Variants in CTIF observed in about 807,000 individuals in gnomAD.
CTIF encodes cap binding complex dependent translation initiation factor, also known as CBP80/20-dependent translation initiation factor.
Under a neutral mutation model 66.0 loss-of-function variants are expected in CTIF, and 21 were observed. That is an observed-to-expected ratio of 0.32 (90% CI 0.23 to 0.46). The LOEUF is 0.46. CTIF is among the 20% of genes least tolerant of loss of function. CTIF has a pLI of 1.00. For missense variants in CTIF, 739 were observed against 812.7 expected, an observed-to-expected ratio of 0.91 and a Z score of 1.10; for synonymous variants, 345 against 326.4, an observed-to-expected ratio of 1.06 and a Z score of -0.62.
chr18:48,678,826 C>T (rs989364055), intron 6 of CTIF, among the ~76,000 whole-genome samples: 2 of 152,106 alleles, frequency 1.3e-5, no homozygotes, highest in Admixed American at 6.5e-5. Context: ...TCTGCCCACC[C>T]TATAGGAACA....
intron 1 of CTIF, among the ~76,000 whole-genome samples, chr18:48,551,968 T>C (rs2088894105): frequency 6.6e-6 from 1 of 151,770 alleles, no homozygotes; most frequent in Non-Finnish European, 1.5e-5. Context: ...CAGCTAATTA[T>C]TTTTTTTGTA....
At chr18:48,580,342 T>C (rs528333282) in intron 1 of CTIF, among the ~76,000 whole-genome samples, 3 of 152,300 alleles carry the variant, frequency 2.0e-5, no homozygotes, top group African/African-American at 7.2e-5. Context: ...AGAGGGATAG[T>C]GTAGCCTCAG....
At chr18:48,804,513 C>G (rs1055147143) in intron 9 of CTIF, among the ~76,000 whole-genome samples, 1 of 152,192 alleles carries the variant, frequency 6.6e-6, no homozygotes, top group African/African-American at 2.4e-5. Flanking sequence ...GCTGCATGTG[C>G]AGACTGCCAG....
At chr18:48,781,848 T>C (rs1911263016) in intron 9 of CTIF, among the ~76,000 whole-genome samples, 1 of 152,196 alleles carries the variant, frequency 6.6e-6, no homozygotes, top group Admixed American at 6.5e-5. Context: ...TTTCTGGCTG[T>C]CTCTGTCTCA....
intron 9 of CTIF, among the ~76,000 whole-genome samples, chr18:48,764,713 C>T (rs1031758856): frequency 1.3e-5 from 2 of 152,160 alleles, no homozygotes; most frequent in Non-Finnish European, 2.9e-5. Context: ...GGAGTATCTG[C>T]GGGTCAGGTC....
chr18:48,575,061 AG>A (rs1275110979), intron 1 of CTIF, among the ~76,000 whole-genome samples: 13 of 152,216 alleles, frequency 8.5e-5, no homozygotes, highest in African/African-American at 2.9e-4. Context: ...TTCCAGACAC[AG>A]GGAGCCCCGC....
chr18:48,621,182 T>C (rs1198961855), intron 2 of CTIF, among the ~76,000 whole-genome samples: 2 of 151,842 alleles, frequency 1.3e-5, no homozygotes, highest in East Asian at 3.9e-4. Flanking sequence ...TCGTGGATGA[T>C]CATTGCGATG....
chr18:48,793,802 G>A (rs184136071), intron 9 of CTIF, among the ~76,000 whole-genome samples: 75 of 152,242 alleles, frequency 4.9e-4, no homozygotes, highest in African/African-American at 1.6e-3. Context: ...AGTTTTATCC[G>A]ACTTGAGTGC....
chr18:48,764,020 C>T (rs975086979), intron 9 of CTIF, among the ~76,000 whole-genome samples: 1 of 152,076 alleles, frequency 6.6e-6, no homozygotes, highest in African/African-American at 2.4e-5. Context: ...CTGCTCCCCA[C>T]CCCCCATCAG....
At chr18:48,603,347 A>T (rs1321063074) in intron 1 of CTIF, among the ~76,000 whole-genome samples, 3 of 106,714 alleles carry the variant, frequency 2.8e-5, no homozygotes, top group Admixed American at 8.7e-5. Context: ...GTGGATTGGG[A>T]TGGACGGCTA....
chr18:48,642,435 C>T (rs1224505405), intron 3 of CTIF, among the ~76,000 whole-genome samples: 1 of 152,136 alleles, frequency 6.6e-6, no homozygotes, highest in Non-Finnish European at 1.5e-5. Flanking sequence ...AGAGAGAAGA[C>T]ATGATGTTAG....
At chr18:48,857,531 G>A in intron 10 of CTIF, 57 bp from the exon 11 acceptor site, 1 of 1,529,894 alleles carries the variant, frequency 6.5e-7, no homozygotes, top group African/African-American at 1.4e-5. Flanking sequence ...GGGAGCTACA[G>A]GGCCCAGTAG....
chr18:48,597,455 G>A (rs2090007006), intron 1 of CTIF, among the ~76,000 whole-genome samples: 1 of 152,218 alleles, frequency 6.6e-6, no homozygotes. Context: ...TTTGGATCAT[G>A]GAGATGGATC....
chr18:48,677,719 G>C (rs2145097545), intron 6 of CTIF, among the ~76,000 whole-genome samples: 1 of 152,228 alleles, frequency 6.6e-6, no homozygotes, highest in South Asian at 2.1e-4. Flanking sequence ...TCGCATGTTT[G>C]CTTTATTTCT....
At chr18:48,791,678 C>T (rs557964312) in intron 9 of CTIF, among the ~76,000 whole-genome samples, 5 of 152,332 alleles carry the variant, frequency 3.3e-5, no homozygotes, top group South Asian at 2.1e-4. Context: ...CCGTCTCAAC[C>T]GTAGCTTTTA....
chr18:48,716,294 A>G (rs1227979701), intron 7 of CTIF, among the ~76,000 whole-genome samples: 1 of 152,230 alleles, frequency 6.6e-6, no homozygotes, highest in Non-Finnish European at 1.5e-5. Flanking sequence ...AACGCTGTGC[A>G]TGACTGTCAG....
chr18:48,626,656 G>GTTTTT (rs61179877), intron 2 of CTIF, among the ~76,000 whole-genome samples: 57 of 108,062 alleles, frequency 5.3e-4, no homozygotes, highest in South Asian at 1.4e-3. Flanking sequence ...TTTTTTTTTT[G>GTTTTT]TTTTTTTTTT....
At chr18:48,541,496 A>G (rs2145449993) in intron 1 of CTIF, among the ~76,000 whole-genome samples, 1 of 152,146 alleles carries the variant, frequency 6.6e-6, no homozygotes, top group Admixed American at 6.5e-5. Flanking sequence ...TGGGCTGAAA[A>G]CCTCAGGAAT....
intron 5 of CTIF, among the ~76,000 whole-genome samples, chr18:48,669,788 A>C: frequency 3.0e-5 from 2 of 66,714 alleles, no homozygotes; most frequent in African/African-American, 4.5e-5. Context: ...AAACAAGCTA[A>C]ACATTTATAT....
Sources: gnomAD v4.1 joint callset for allele counts (sites outside exome capture counted in the v4.1 genomes callset) on GRCh38, gnomAD v4.1.1 for gene constraint, MANE v1.5 for transcripts, NCBI Gene and HGNC (gene_info 2026-07-23, HGNC 2026-07-21) for gene names.